Variants in FEZF2 observed in about 807,000 individuals in gnomAD.
The protein encoded by FEZF2 is fez family zinc finger protein 2.
In FEZF2, 2 loss-of-function variants were observed where a neutral mutation model predicts 32.8. That is an observed-to-expected ratio of 0.06 (90% CI 0.02 to 0.19). The LOEUF (loss-of-function observed/expected upper bound fraction) is 0.19. Among genes scored for constraint, FEZF2 ranks in the 10% least tolerant of loss-of-function variants. The pLI is 1.00. For missense variants in FEZF2, 516 were observed against 625.4 expected (o/e 0.83, Z 1.87); for synonymous variants, 322 against 284.8 (o/e 1.13, Z -1.32).
Position 62,369,945 on chromosome 3 carries a change from A to G in FEZF2, c.*138T>C, listed in dbSNP as rs1704246191. The G allele has an allele frequency of 8.7e-7, 1 of 1,154,318 alleles. No individual in the cohort carries two copies. The highest frequency in any genetic ancestry group is 1.5e-5 in the African/African-American group (1 of 64,710). 71.5% of individuals were successfully genotyped at this position (1,154,318 alleles called of 1,614,324 possible). ...TCATCGAGGAAACATTTAGCTTTCC[A>G]AAAATATGCTGGTTTCGATAAATAG... On this transcript the variant is annotated 3_prime_UTR_variant, in exon 5 of 5. Coordinates refer to ENST00000283268, the MANE Select transcript of FEZF2 (RefSeq NM_018008.4). This position sits in a 1 kb window ranked among gnomAD's most constrained non-coding sequence, Gnocchi z 4.2.
chr3:62,371,149 C>T (rs1403629215), intron 4 of FEZF2, 68 bp downstream of exon 4: 1 of 1,611,858 alleles, frequency 6.2e-7, no homozygotes, highest in East Asian at 2.2e-5. Context: ...TCTTTGCCTT[C>T]CTGCCAGCCA....
chr3:62,372,986 G>A lies in FEZF2; in HGVS notation c.-58-60C>T, dbSNP rs1354229125. ...ATTTAATAAGCACCTAGTCGGGCCC[G>A]GGTCACCCATTTGCATTCAAATGAA... On this transcript the variant is annotated intron_variant, in intron 1 of 4. Transcript: ENST00000283268. This position sits in a 1 kb window ranked among gnomAD's most constrained non-coding sequence, Gnocchi z 9.6. 7 of 1,028,074 alleles carry A rather than the reference G, an allele frequency of 6.8e-6. No individual in the cohort carries two copies. The highest frequency in any genetic ancestry group is 1.7e-5 in the African/African-American group (1 of 59,694). The allele number at this position is 1,028,074 out of a possible 1,614,324, so 63.7% of individuals were successfully genotyped here.
In FEZF2 at chr3:62,370,058, G is replaced by A. The variant is rs2148944817; in HGVS notation, c.*25C>T. 1.2e-6 allele frequency: 2 copies of A among 1,610,618 alleles called. No homozygotes were observed. Among genetic ancestry groups the A allele is most frequent in the Non-Finnish European group, 1.7e-6 (2 of 1,177,072 alleles). ...ATCTGTTTTCAGGTGGTACAGGGAG[G>A]GAAGGAAGGGCAAGGCAGTAGCTCT... On this transcript the variant is annotated 3_prime_UTR_variant, in exon 5 of 5. Transcript: ENST00000283268. The surrounding 1 kb of genome is among the most constrained non-coding windows in gnomAD (Gnocchi z 4.2).
rs1039673825 is a variant in FEZF2 at position 62,372,334 on chromosome 3, C to A, written c.535G>T (p.Ala179Ser). 6.2e-7 allele frequency: 1 copy of A among 1,609,980 alleles called. No individual in the cohort carries two copies. Among genetic ancestry groups the A allele is most frequent in the Non-Finnish European group, 8.5e-7 (1 of 1,179,406 alleles). ...LYYFNYLDST[A>S]YPPSELLSGH... ...CTGAGGAGCTCAGACGGCGGGTACG[C>A]GGTCGAGTCCAGGTAGTTGAAGTAG... Residue 179 changes from alanine to serine, a missense_variant, in exon 2 of 5, where the codon GCG becomes TCG. Ala to Ser is a moderately conservative substitution (Grantham distance 99). Around this residue, in one of 3 missense-constraint regions of FEZF2, gnomAD observed 408 missense variants for 382.2 expected, o/e 1.07. Coordinates refer to ENST00000283268, the MANE Select transcript of FEZF2 (RefSeq NM_018008.4). This position sits in a 1 kb window ranked among gnomAD's most constrained non-coding sequence, Gnocchi z 9.6.
chr3:62,371,744 C>T (rs952857694), intron 2 of FEZF2, 77 bp from the exon 3 acceptor site: 2 of 1,534,032 alleles, frequency 1.3e-6, no homozygotes, highest in Non-Finnish European at 1.8e-6. Context: ...CCACAGCCTA[C>T]CTCCCCCAAC....
rs578220193 is a variant in FEZF2 at position 62,370,137 on chromosome 3, G to A, written c.1326C>T (p.Ser442=). 13 of 1,614,218 alleles carry A rather than the reference G, an allele frequency of 8.1e-6. No individual in the cohort carries two copies. Among genetic ancestry groups the A allele is most frequent in the African/African-American group, 6.7e-5 (5 of 75,066 alleles). ...TTGCGGAGGGGGCAGCAGGGCCCAC[G>A]CTGTCGTGGAGTTTGCGCACATGTT... ...LKKHVRKLHD[S]VGPAAPSAKD... Residue 442 remains serine (S), a synonymous_variant, in exon 5 of 5, where the codon AGC becomes AGT. Coordinates refer to ENST00000283268, the MANE Select transcript of FEZF2 (RefSeq NM_018008.4). The surrounding 1 kb of genome is among the most constrained non-coding windows in gnomAD (Gnocchi z 4.2).
rs562674383 is a variant in FEZF2 at position 62,372,888 on chromosome 3, A to C, written c.-20T>G. On this transcript the variant is annotated 5_prime_UTR_variant, in exon 2 of 5. Transcript: ENST00000283268. This position sits in a 1 kb window ranked among gnomAD's most constrained non-coding sequence, Gnocchi z 9.6. The stretch of plus-strand genomic sequence containing the variant: ...TGCCATGGCGCGCGGAGCTGAGCCG[A>C]GCCAGGCTGGGCCAGGGCGCAGCCT... 128 of 1,384,260 alleles carry C rather than the reference A, an allele frequency of 9.2e-5. No individual in the cohort carries two copies. The highest frequency in any genetic ancestry group is 1.2e-4 in the Non-Finnish European group (126 of 1,061,562). 85.7% of individuals were successfully genotyped at this position (1,384,260 alleles called of 1,614,324 possible). A position where few individuals can be genotyped will look rare whatever the true frequency, so the allele number is the denominator to read the frequency against.
rs552921882 is a variant in FEZF2, at chr3:62,373,143, G to C, written c.-59+136C>G. 8 of 351,270 alleles carry C rather than the reference G, an allele frequency of 2.3e-5. 1 individual carries two copies. The highest frequency in any genetic ancestry group is 4.1e-5 in the Non-Finnish European group (8 of 196,522). The allele number at this position is 351,270 out of a possible 1,614,324, so 21.8% of individuals were successfully genotyped here. On this transcript the variant is annotated intron_variant, in intron 1 of 4. Coordinates refer to ENST00000283268, the MANE Select transcript of FEZF2 (RefSeq NM_018008.4). This position sits in a 1 kb window ranked among gnomAD's most constrained non-coding sequence, Gnocchi z 5.5. ...GGGGGAGGGTTTACAAAAGAAAAGG[G>C]GGGGGGCGGTGAGAAAAGAGTCTCA...
At chr3:62,371,966 G>T (rs560426222) in intron 2 of FEZF2, 51 bp downstream of exon 2, 1 of 1,572,708 alleles carries the variant, frequency 6.4e-7, no homozygotes, top group Non-Finnish European at 8.6e-7. Flanking sequence ...CAAGGAAGCC[G>T]CCGCCGCCGA....
At position 62,372,530 on chromosome 3, in the gene FEZF2, GCCGCCGCCA is replaced by G. The variant is rs749809403; in HGVS notation, c.330_338del (p.Gly115_Gly117del). ...CGCACACTGGGGCCCCCCCGCCGCC[GCCGCCGCCA>G]CCGCCGCCGCCGCCTCCGCCGCCGC... On this transcript the variant is annotated inframe_deletion, in exon 2 of 5. Transcript: ENST00000283268. This position sits in a 1 kb window ranked among gnomAD's most constrained non-coding sequence, Gnocchi z 9.6. 5.4e-6 allele frequency: 7 copies of G among 1,303,860 alleles called. No homozygotes were observed. The highest frequency in any genetic ancestry group is 3.0e-5 in the South Asian group (1 of 33,388). 80.8% of individuals were successfully genotyped at this position (1,303,860 alleles called of 1,614,324 possible). A position where few individuals can be genotyped will look rare whatever the true frequency, so the allele number is the denominator to read the frequency against.
chr3:62,371,411 T>A (rs1022690855), intron 3 of FEZF2, 62 bp from the exon 4 acceptor site: 2 of 1,587,876 alleles, frequency 1.3e-6, no homozygotes, highest in Non-Finnish European at 1.7e-6. Context: ...GGAAGGGACA[T>A]CCCCCCCACC....
chr3:62,373,064 G>A lies in FEZF2; in HGVS notation c.-58-138C>T, dbSNP rs1158801866. The A allele has an allele frequency of 4.6e-6, 2 of 435,522 alleles. No homozygotes were observed. The highest frequency in any genetic ancestry group is 7.3e-5 in the East Asian group (2 of 27,292). The allele number at this position is 435,522 out of a possible 1,614,324, so 27.0% of individuals were successfully genotyped here. ...GTACCAAATTACCGCCCATTAACCC[G>A]GCGCGCAAAGGAACCCACCAGCCCC... is the stretch of plus-strand genomic sequence containing the variant. On this transcript the variant is annotated intron_variant, in intron 1 of 4. Transcript: ENST00000283268. This position sits in a 1 kb window ranked among gnomAD's most constrained non-coding sequence, Gnocchi z 5.5.
chr3:62,371,369 C>A lies in FEZF2; in HGVS notation c.988-20G>T, dbSNP rs778494761. ...CTTTTCCTGAGGAAAGGGGCGAGTGCACAGTAAGGAGAGGCCACCTCGGGA... is the reference window on the plus strand; with the variant it reads ...CTTTTCCTGAGGAAAGGGGCGAGTGAACAGTAAGGAGAGGCCACCTCGGGA... On this transcript the variant is annotated intron_variant, in intron 3 of 4. Transcript: ENST00000283268. 2.5e-6 allele frequency: 4 copies of A among 1,610,444 alleles called. No individual in the cohort carries two copies. In the African/African-American group the frequency reaches 5.3e-5, roughly 22 times the overall value.
Position 62,373,090 on chromosome 3 carries a change from T to G in FEZF2, c.-58-164A>C. ...GCGCGCAAAGGAACCCACCAGCCCC[T>G]GCCCTGGGACTTTGAAAGGGGGAAG... is the stretch of plus-strand genomic sequence containing the variant. On this transcript the variant is annotated intron_variant, in intron 1 of 4. Transcript: ENST00000283268. This position sits in a 1 kb window ranked among gnomAD's most constrained non-coding sequence, Gnocchi z 5.5. The G allele has an allele frequency of 2.2e-5, 5 of 225,774 alleles. No homozygotes were observed. The highest frequency in any genetic ancestry group is 3.3e-5 in the Non-Finnish European group (4 of 121,126). The allele number at this position is 225,774 out of a possible 1,614,324, so 14.0% of individuals were successfully genotyped here. A position where few individuals can be genotyped will look rare whatever the true frequency, so the allele number is the denominator to read the frequency against.
At position 62,372,834 on chromosome 3, in the gene FEZF2, G is replaced by A. The variant is rs998370783; in HGVS notation, c.35C>T (p.Pro12Leu). ...ASSASLETMV[P>L]PACPRAGASP... ...CGCTCCGGCGCGCGGGCAGGCCGGG[G>A]GCACCATGGTCTCCAGGGAAGCCGA... The change falls in exon 2 of 5, where the codon CCC becomes CTC. Residue 12 changes from proline (P) to leucine (L), a missense_variant. Coordinates refer to ENST00000283268, the MANE Select transcript of FEZF2 (RefSeq NM_018008.4). This position sits in a 1 kb window ranked among gnomAD's most constrained non-coding sequence, Gnocchi z 9.6. 2 of 1,504,622 alleles carry A rather than the reference G, an allele frequency of 1.3e-6. No individual in the cohort carries two copies. The highest frequency in any genetic ancestry group is 2.0e-5 in the Admixed American group (1 of 49,416). 93.2% of individuals were successfully genotyped at this position (1,504,622 alleles called of 1,614,324 possible). A position where few individuals can be genotyped will look rare whatever the true frequency, so the allele number is the denominator to read the frequency against.
chr3:62,370,429 G>T lies in FEZF2; in HGVS notation c.1121-87C>A. 6.9e-7 allele frequency: 1 copy of T among 1,453,488 alleles called. No homozygotes were observed. The highest frequency in any genetic ancestry group is 9.4e-7 in the Non-Finnish European group (1 of 1,066,334). The allele number at this position is 1,453,488 out of a possible 1,614,324, so 90.0% of individuals were successfully genotyped here. On this transcript the variant is annotated intron_variant, in intron 4 of 4. Coordinates refer to ENST00000283268, the MANE Select transcript of FEZF2 (RefSeq NM_018008.4). This position sits in a 1 kb window ranked among gnomAD's most constrained non-coding sequence, Gnocchi z 4.2. The stretch of plus-strand genomic sequence containing the variant: ...CGGGCGTCCCAGGGGCAGCCCAGGT[G>T]CCTGCTCAAAAAAGGCGACGCTTGG...
chr3:62,372,188 G>A lies in FEZF2; in HGVS notation c.681C>T (p.Pro227=). The A allele has an allele frequency of 6.3e-7, 1 of 1,580,450 alleles. No homozygotes were observed. The highest frequency in any genetic ancestry group is 8.6e-7 in the Non-Finnish European group (1 of 1,162,970). Residue 227 remains proline, a synonymous_variant, in exon 2 of 5, where the codon CCC becomes CCT. Coordinates refer to ENST00000283268, the MANE Select transcript of FEZF2 (RefSeq NM_018008.4). The surrounding 1 kb of genome is among the most constrained non-coding windows in gnomAD (Gnocchi z 9.6). ...CCTTATGGGGATAGGGAGCCGGGTG[G>A]GGGAACTTGTCCGCAGCCAGGCCGG... ...KLAGLAADKF[P]HPAPYPHKER...
At position 62,369,966 on chromosome 3, in the gene FEZF2, AATAG is replaced by A; in HGVS notation, c.*113_*116del. 7.9e-7 allele frequency: 1 copy of A among 1,273,650 alleles called. No individual in the cohort carries two copies. The highest frequency in any genetic ancestry group is 1.0e-6 in the Non-Finnish European group (1 of 952,468). 78.9% of individuals were successfully genotyped at this position (1,273,650 alleles called of 1,614,324 possible). ...TTCCAAAAATATGCTGGTTTCGATA[AATAG>A]ATTTTAGCCTCTCTGCTATAGTTTT... On this transcript the variant is annotated 3_prime_UTR_variant, in exon 5 of 5. Transcript: ENST00000283268. This position sits in a 1 kb window ranked among gnomAD's most constrained non-coding sequence, Gnocchi z 4.2.
chr3:62,370,544 C>T lies in FEZF2; in HGVS notation c.1121-202G>A, dbSNP rs1007838788. ...TCTCCCGACAAGACCGAGACTGAGT[C>T]CCGCGGAGCCGCTCTGCGCTCCTGC... is the stretch of plus-strand genomic sequence containing the variant. On this transcript the variant is annotated intron_variant, in intron 4 of 4. Coordinates refer to ENST00000283268, the MANE Select transcript of FEZF2 (RefSeq NM_018008.4). The surrounding 1 kb of genome is among the most constrained non-coding windows in gnomAD (Gnocchi z 4.2). Among the ~76,000 whole-genome samples, 2 of 152,218 alleles carry T rather than the reference C, an allele frequency of 1.3e-5. No homozygotes were observed. The highest frequency in any genetic ancestry group is 2.9e-5 in the Non-Finnish European group (2 of 68,040).
Sources: gnomAD v4.1 joint callset for allele counts (sites outside exome capture counted in the v4.1 genomes callset) on GRCh38, gnomAD v4.1.1 for gene constraint, gnomAD v4.1.1 regional missense constraint, Gnocchi (gnomAD v3.1) non-coding constraint, MANE v1.5 for transcripts, NCBI Gene and HGNC (gene_info 2026-07-23, HGNC 2026-07-21) for gene names.